Variants in CALM2 observed in about 807,000 individuals in gnomAD.
CALM2 encodes the protein calmodulin-2.
In CALM2, 2 loss-of-function variants were observed where a neutral mutation model predicts 19.8. The observed-to-expected ratio is 0.10, with a 90% CI of 0.04 to 0.32. The LOEUF (loss-of-function observed/expected upper bound fraction) is 0.32, where lower values mean the gene tolerates loss of function less well. Among genes scored for constraint, CALM2 ranks in the 10% least tolerant of loss-of-function variants. The probability of loss-of-function intolerance (pLI) is 1.00; values close to 1 mark genes in which losing one functional copy is unlikely to be tolerated. For missense variants in CALM2, 38 were observed against 178.7 expected, an observed-to-expected ratio of 0.21 and a Z score of 4.49; for synonymous variants, 51 against 52.1, an observed-to-expected ratio of 0.98 and a Z score of 0.09.
At position 47,176,468 on chromosome 2, in the gene CALM2, G is replaced by A. The variant is rs1474682656; in HGVS notation, c.-25C>T. 6.2e-7 allele frequency: 1 copy of A among 1,613,756 alleles called. No homozygotes were observed. Among genetic ancestry groups the A allele is most frequent in the Non-Finnish European group, 8.5e-7 (1 of 1,179,978 alleles). ...TGCTGCAAGCGCTACCGGTTTCCGA[G>A]ACGCGACCACACAACCACTCAGCTC... On this transcript the variant is annotated 5_prime_UTR_variant, in exon 1 of 6. Coordinates refer to ENST00000272298, the MANE Select transcript of CALM2 (RefSeq NM_001743.6).
At chr2:47,167,304 C>G (rs1666506194) in intron 2 of CALM2, among the ~76,000 whole-genome samples, 1 of 152,114 alleles carries the variant, frequency 6.6e-6, no homozygotes, top group African/African-American at 2.4e-5. Flanking sequence ...AAAAGTCAAA[C>G]AGCAACAACT....
chr2:47,176,068 C>G (rs1017211447), intron 1 of CALM2, among the ~76,000 whole-genome samples: 1 of 152,180 alleles, frequency 6.6e-6, no homozygotes, highest in African/African-American at 2.4e-5. Flanking sequence ...CCCTGCTTGA[C>G]CTTTCCAGAC....
intron 5 of CALM2, among the ~76,000 whole-genome samples, chr2:47,161,263 T>C (rs934779807): frequency 1.5e-4 from 23 of 152,276 alleles, no homozygotes; most frequent in African/African-American, 5.5e-4. Flanking sequence ...ATCTTAAAAG[T>C]TAGTAGATAC....
At chr2:47,169,922 G>T (rs1056737175) in intron 2 of CALM2, among the ~76,000 whole-genome samples, 1 of 139,308 alleles carries the variant, frequency 7.2e-6, no homozygotes, top group African/African-American at 2.6e-5. Flanking sequence ...AGTGTCTAAT[G>T]AAAACAAAGG....
rs188443164 is a variant in CALM2 at position 47,172,184 on chromosome 2, T to A, written c.4-1420A>T. 4.0e-5 allele frequency: 9 copies of A among 223,222 alleles called. No individual in the cohort carries two copies. The East Asian group carries it at 8.3e-4, about 21-fold the overall frequency. 13.8% of individuals were successfully genotyped at this position (223,222 alleles called of 1,614,324 possible). Reference sequence around the variant, plus strand: ...TTTAAAATCCAGTAAATCTGAGTTATTTACTTTGTATTAATAGAAGCTACA... The same window carrying A: ...TTTAAAATCCAGTAAATCTGAGTTAATTACTTTGTATTAATAGAAGCTACA... On this transcript the variant is annotated intron_variant, in intron 1 of 5. Transcript: ENST00000272298.
chr2:47,164,937 T>C (rs1436773140), intron 2 of CALM2, among the ~76,000 whole-genome samples: 1 of 152,214 alleles, frequency 6.6e-6, no homozygotes. Context: ...GACTCAACTA[T>C]TCTTCCACTA....
At chr2:47,170,403 CGT>C (rs1491402993) in intron 2 of CALM2, among the ~76,000 whole-genome samples, 4 of 152,028 alleles carry the variant, frequency 2.6e-5, no homozygotes, top group African/African-American at 9.7e-5. Context: ...CCTTTTCTAG[CGT>C]GTTAGCTAGC....
chr2:47,167,857 C>T (rs1236233805), intron 2 of CALM2, among the ~76,000 whole-genome samples: 3 of 124,980 alleles, frequency 2.4e-5, no homozygotes, highest in African/African-American at 1.0e-4. Flanking sequence ...TGGTCTTGAA[C>T]TCCTGGGCTC....
intron 4 of CALM2, 138 bp downstream of exon 4, chr2:47,162,148 A>G (rs138340837): frequency 2.1e-6 from 1 of 484,520 alleles, no homozygotes; most frequent in Non-Finnish European, 3.5e-6. Flanking sequence ...TTGCTTGGTA[A>G]TTAAAATATG....
chr2:47,165,620 T>C (rs1041325450), intron 2 of CALM2, among the ~76,000 whole-genome samples: 3 of 152,236 alleles, frequency 2.0e-5, no homozygotes, highest in Admixed American at 6.5e-5. Flanking sequence ...CTGTCTCTTA[T>C]GTCTAGATGT....
intron 2 of CALM2, among the ~76,000 whole-genome samples, chr2:47,167,070 T>C (rs1189437824): frequency 6.6e-6 from 1 of 152,160 alleles, no homozygotes; most frequent in East Asian, 1.9e-4. Context: ...ACAAAACAAA[T>C]CAAATGACTG....
intron 1 of CALM2, 77 bp from the exon 2 acceptor site, chr2:47,170,841 T>G: frequency 8.8e-7 from 1 of 1,139,968 alleles, no homozygotes; most frequent in South Asian, 1.2e-5. Flanking sequence ...GTTTAAAACC[T>G]TTCAAGGGTT....
chr2:47,168,586 A>G (rs1258129691), intron 2 of CALM2, among the ~76,000 whole-genome samples: 1 of 152,088 alleles, frequency 6.6e-6, no homozygotes, highest in Non-Finnish European at 1.5e-5. Context: ...TAAAAATACA[A>G]AAATAGCCAG....
rs1030778655 is a variant in CALM2, at chr2:47,176,244, G to GC, written c.3+196dup. 2.3e-5 allele frequency: 14 copies of GC among 608,858 alleles called. No homozygotes were observed. The Admixed American group carries it at 2.8e-4, about 12-fold the overall frequency. 37.7% of individuals were successfully genotyped at this position (608,858 alleles called of 1,614,324 possible). A position where few individuals can be genotyped will look rare whatever the true frequency, so the allele number is the denominator to read the frequency against. On this transcript the variant is annotated intron_variant, in intron 1 of 5. Coordinates refer to ENST00000272298, the MANE Select transcript of CALM2 (RefSeq NM_001743.6). The stretch of plus-strand genomic sequence containing the variant: ...TCCGGCCCTCAACTCACTAGAGGAA[G>GC]CCCCCCTGAAGAGAATGGGGGTGGG...
In CALM2 at chr2:47,160,203, C is replaced by T. The variant is rs1687113392; in HGVS notation, c.*573G>A. ...ATTTTTTTATTGGAAAACAAATATA[C>T]AACTTGGAATGGATTTTGAGGCAAA... On this transcript the variant is annotated 3_prime_UTR_variant, in exon 6 of 6. Coordinates refer to ENST00000272298, the MANE Select transcript of CALM2 (RefSeq NM_001743.6). The T allele has an allele frequency of 6.6e-6, 1 of 152,542 alleles. No homozygotes were observed. The highest frequency in any genetic ancestry group is 1.9e-4 in the East Asian group (1 of 5,186). The allele number at this position is 152,542 out of a possible 1,614,324, so 9.4% of individuals were successfully genotyped here.
intron 2 of CALM2, among the ~76,000 whole-genome samples, chr2:47,168,338 C>A (rs879403762): frequency 1.2e-4 from 18 of 151,978 alleles, no homozygotes; most frequent in Non-Finnish European, 2.4e-4. Flanking sequence ...CCATTGGAAA[C>A]CTAATTTTAT....
intron 2 of CALM2, among the ~76,000 whole-genome samples, chr2:47,164,187 G>T (rs1390238241): frequency 6.8e-6 from 1 of 147,288 alleles, no homozygotes; most frequent in African/African-American, 2.5e-5. Context: ...GCAGTGAGCT[G>T]ATATTGCGCC....
At chr2:47,175,081 G>GTT (rs563702873) in intron 1 of CALM2, among the ~76,000 whole-genome samples, 3 of 77,964 alleles carry the variant, frequency 3.8e-5, no homozygotes, top group African/African-American at 1.8e-4. Context: ...CTCATTAGGT[G>GTT]TTTTTTTTTT....
intron 1 of CALM2, 95 bp from the exon 2 acceptor site, chr2:47,170,859 A>G: frequency 1.0e-6 from 1 of 964,484 alleles, no homozygotes; most frequent in Middle Eastern, 2.1e-4. Flanking sequence ...GTTACCATGT[A>G]CTGTTTCATT....
Sources: allele counts gnomAD v4.1 joint callset (sites outside exome capture counted in the v4.1 genomes callset), GRCh38; gene constraint gnomAD v4.1.1; transcripts MANE v1.5; gene names NCBI Gene and HGNC (gene_info 2026-07-23, HGNC 2026-07-21).